CPNE4: variants seen among roughly 807,000 people sequenced by gnomAD.
CPNE4 encodes copine 4, also known as copine-4.
In CPNE4, 25 loss-of-function variants were observed where a neutral mutation model predicts 67.9. That is an observed-to-expected ratio of 0.37 (90% CI 0.27 to 0.51). CPNE4 has a LOEUF of 0.51. Among genes scored for constraint, CPNE4 ranks in the 20% least tolerant of loss-of-function variants. CPNE4 has a pLI of 0.93. For missense variants in CPNE4, 464 were observed against 690.8 expected (o/e 0.67, Z 3.68); for synonymous variants, 242 against 244.9 (o/e 0.99, Z 0.11).
chr3:131,866,671 G>A (rs1365368375), intron 2 of CPNE4, among the ~76,000 whole-genome samples: 1 of 152,182 alleles, frequency 6.6e-6, no homozygotes, highest in East Asian at 1.9e-4. Context: ...ATGGAATCGG[G>A]TAGGCACTAG....
At chr3:131,555,713 G>A (rs887819250) in intron 11 of CPNE4, among the ~76,000 whole-genome samples, 162 bp from the exon 12 acceptor site, 2 of 152,038 alleles carry the variant, frequency 1.3e-5, no homozygotes, top group African/African-American at 4.8e-5. Flanking sequence ...GGTAGCAATA[G>A]CATGGATAAT....
intron 1 of CPNE4, among the ~76,000 whole-genome samples, chr3:131,925,296 G>A (rs183313707): frequency 6.6e-6 from 1 of 152,202 alleles, no homozygotes; most frequent in Admixed American, 6.5e-5. Context: ...TGGCCAAGGA[G>A]CCAGAGCCGC....
upstream of CPNE4, chr3:132,037,548 A>G: frequency 6.5e-7 from 1 of 1,534,158 alleles, no homozygotes; most frequent in Non-Finnish European, 8.7e-7. Context: ...CCTTGTCTCT[A>G]TCACTCACCT....
At chr3:131,761,062 G>A (rs1460424440) in intron 2 of CPNE4, among the ~76,000 whole-genome samples, 3 of 152,118 alleles carry the variant, frequency 2.0e-5, no homozygotes. Context: ...GGGCCTGAAT[G>A]AGGATAGAAT....
intron 2 of CPNE4, among the ~76,000 whole-genome samples, chr3:131,746,928 C>T (rs1023244552): frequency 6.6e-6 from 1 of 152,134 alleles, no homozygotes; most frequent in Non-Finnish European, 1.5e-5. Flanking sequence ...TCCTCACAAA[C>T]ACTCATTTTC....
At chr3:131,708,763 A>T (rs2081478332) in intron 3 of CPNE4, among the ~76,000 whole-genome samples, 3 of 151,630 alleles carry the variant, frequency 2.0e-5, no homozygotes, top group African/African-American at 7.3e-5. Flanking sequence ...GCTTCAAAAG[A>T]AAGTGAAAAG....
rs1012973032 is a variant in CPNE4, at chr3:131,905,373, G to C, written c.71C>G (p.Thr24Ser). The change falls in exon 2 of 16, where the codon ACC becomes AGC. Residue 24 changes from threonine (T) to serine (S), a missense_variant. Transcript: ENST00000429747. ...TLGIFNSPCL[T>S]KVELRVACKG... The stretch of plus-strand genomic sequence containing the variant: ...GCACGCCACACGCAGCTCAACTTTG[G>C]TCAGGCAGGGGCTGTTAAAGATTCC... The C allele has an allele frequency of 5.0e-6, 8 of 1,613,402 alleles. No homozygotes were observed. In the African/African-American group the frequency reaches 9.3e-5, roughly 19 times the overall value.
intron 2 of CPNE4, among the ~76,000 whole-genome samples, chr3:131,726,344 C>T (rs1307065335): frequency 6.6e-6 from 1 of 152,160 alleles, no homozygotes; most frequent in Non-Finnish European, 1.5e-5. Context: ...CACTGAGTGA[C>T]TTGGTTTTTT....
At chr3:131,858,431 T>C (rs1264980541) in intron 2 of CPNE4, among the ~76,000 whole-genome samples, 3 of 152,104 alleles carry the variant, frequency 2.0e-5, no homozygotes, top group African/African-American at 4.8e-5. Context: ...ACATAGAAAC[T>C]TGGATAAGAA....
intron 10 of CPNE4, among the ~76,000 whole-genome samples, chr3:131,569,933 G>A (rs747056108): frequency 5.3e-5 from 8 of 151,818 alleles, no homozygotes; most frequent in Non-Finnish European, 1.0e-4. Flanking sequence ...CATGCCACTA[G>A]GCTGGTAAGT....
intron 2 of CPNE4, among the ~76,000 whole-genome samples, chr3:131,891,218 T>C (rs1484540173): frequency 6.6e-6 from 1 of 152,116 alleles, no homozygotes; most frequent in African/African-American, 2.4e-5. Context: ...ATATCCAAAC[T>C]TGCCAAATTG....
intron 2 of CPNE4, among the ~76,000 whole-genome samples, chr3:131,769,656 T>C (rs1215547680): frequency 6.6e-6 from 1 of 152,158 alleles, no homozygotes; most frequent in Non-Finnish European, 1.5e-5. Flanking sequence ...AGAAAACCTC[T>C]TTCTTCATTC....
At chr3:132,037,451 A>C (rs932340938), upstream of CPNE4, 2 of 816,382 alleles carry the variant, frequency 2.4e-6, no homozygotes, top group Admixed American at 4.1e-5. Flanking sequence ...ATTTGTAACC[A>C]GCTAATAATC....
chr3:131,946,416 T>C (rs1232216703), intron 1 of CPNE4, among the ~76,000 whole-genome samples: 3 of 152,226 alleles, frequency 2.0e-5, no homozygotes, highest in Non-Finnish European at 2.9e-5. Context: ...ATTTGTTTAT[T>C]CATTCACCTG....
chr3:131,544,795 G>GAT (rs1234643385), intron 14 of CPNE4, among the ~76,000 whole-genome samples: 1 of 152,146 alleles, frequency 6.6e-6, no homozygotes, highest in African/African-American at 2.4e-5. Flanking sequence ...TCCAAAAAGA[G>GAT]ATTACTTCTG....
At chr3:131,705,398 A>C (rs1369955134) in intron 3 of CPNE4, among the ~76,000 whole-genome samples, 1 of 152,174 alleles carries the variant, frequency 6.6e-6, no homozygotes, top group East Asian at 1.9e-4. Flanking sequence ...CTGAGCTAGA[A>C]AGGGAGAATT....
intron 2 of CPNE4, among the ~76,000 whole-genome samples, chr3:131,804,942 A>G (rs1344801223): frequency 6.6e-6 from 1 of 152,250 alleles, no homozygotes; most frequent in African/African-American, 2.4e-5. Context: ...TGACTCACAT[A>G]ATAGTGAGTT....
chr3:131,731,392 C>T (rs2082123938), intron 2 of CPNE4, among the ~76,000 whole-genome samples: 1 of 152,170 alleles, frequency 6.6e-6, no homozygotes, highest in Non-Finnish European at 1.5e-5. Context: ...TGGGTCTTCC[C>T]CTTCCTTCGT....
chr3:131,806,175 C>T (rs1001806352), intron 2 of CPNE4, among the ~76,000 whole-genome samples: 2 of 152,224 alleles, frequency 1.3e-5, no homozygotes, highest in African/African-American at 4.8e-5. Context: ...TTTTTGTTGG[C>T]TGGAAGCCAT....
Sources: allele counts gnomAD v4.1 joint callset (sites outside exome capture counted in the v4.1 genomes callset), GRCh38; gene constraint gnomAD v4.1.1; transcripts MANE v1.5; gene names NCBI Gene and HGNC (gene_info 2026-07-23, HGNC 2026-07-21).